The following KIRREL3 variants were observed in gnomAD, a reference collection of about 807,000 sequenced individuals.
KIRREL3 encodes kin of IRRE-like protein 3.
Under a neutral mutation model 89.7 loss-of-function variants are expected in KIRREL3, and 36 were observed. That is an observed-to-expected ratio of 0.40 (90% CI 0.31 to 0.53). The LOEUF (loss-of-function observed/expected upper bound fraction) is 0.53. KIRREL3 is among the 20% of genes least tolerant of loss of function. The pLI is 0.49. For missense variants in KIRREL3, 864 were observed against 1,056.6 expected, an observed-to-expected ratio of 0.82 and a Z score of 2.53; for synonymous variants, 445 against 441.4, an observed-to-expected ratio of 1.01 and a Z score of -0.10.
At chr11:126,706,466 G>C (rs1216124023) in intron 1 of KIRREL3, among the ~76,000 whole-genome samples, 1 of 152,136 alleles carries the variant, frequency 6.6e-6, no homozygotes, top group Non-Finnish European at 1.5e-5. Flanking sequence ...GTGGATATTT[G>C]TTCACATGTA....
rs774350281 is a variant in KIRREL3 at position 126,558,465 on chromosome 11, C to T, written c.133+4370G>A. On this transcript the variant is annotated intron_variant, in intron 2 of 16. Transcript: ENST00000525144. The surrounding 1 kb of genome is among the most constrained non-coding windows in gnomAD (Gnocchi z 4.0). ...TCCCTCTGCTCATGGTCTCAGCCTC[C>T]TCTTCCAGAAGTCTAAGAGCCCTGG... 1.3e-5 allele frequency among the ~76,000 whole-genome samples: 2 copies of T among 150,112 alleles called. No homozygotes were observed. The highest frequency in any genetic ancestry group is 2.9e-5 in the Non-Finnish European group (2 of 68,016).
At chr11:126,921,686 ATCTG>A (rs747280873) in intron 1 of KIRREL3, among the ~76,000 whole-genome samples, 10 of 144,744 alleles carry the variant, frequency 6.9e-5, no homozygotes, top group South Asian at 2.2e-4. Context: ...TAATCTATCT[ATCTG>A]TCTGTCTTTC....
Position 126,531,807 on chromosome 11 carries a change from G to A in KIRREL3, c.134-5120C>T, listed in dbSNP as rs73015214. Among the ~76,000 whole-genome samples the A allele has an allele frequency of 5.5e-3, 833 of 152,334 alleles. 3 individuals are homozygous for A. The highest frequency in any genetic ancestry group is 8.2e-3 in the Admixed American group (126 of 15,306). On this transcript the variant is annotated intron_variant, in intron 2 of 16. Coordinates refer to ENST00000525144, the MANE Select transcript of KIRREL3 (RefSeq NM_032531.4). This position sits in a 1 kb window ranked among gnomAD's most constrained non-coding sequence, Gnocchi z 4.7. ...ACACTTCTTGAGGGCAGGGGCCACA[G>A]CTATCTTTTCTGTCTTGTGTTCCCA... is the stretch of plus-strand genomic sequence containing the variant.
At chr11:126,589,483 G>C (rs1355657049) in intron 1 of KIRREL3, among the ~76,000 whole-genome samples, 4 of 152,350 alleles carry the variant, frequency 2.6e-5, no homozygotes, top group Admixed American at 6.5e-5. Context: ...AACTGAGAGA[G>C]AGCTATGTGT....
Position 126,530,933 on chromosome 11 carries a change from C to T in KIRREL3, c.134-4246G>A, listed in dbSNP as rs553337828. The stretch of plus-strand genomic sequence containing the variant: ...GCAACCTTTGCCTCCCGGGTTCAAG[C>T]GATTCTTCTGCCTCAGCCTCTTGAG... On this transcript the variant is annotated intron_variant, in intron 2 of 16. Coordinates refer to ENST00000525144, the MANE Select transcript of KIRREL3 (RefSeq NM_032531.4). The surrounding 1 kb of genome is among the most constrained non-coding windows in gnomAD (Gnocchi z 5.8). Among the ~76,000 whole-genome samples, 2 of 152,014 alleles carry T rather than the reference C, an allele frequency of 1.3e-5. No homozygotes were observed. The highest frequency in any genetic ancestry group is 2.1e-4 in the South Asian group (1 of 4,802).
rs545262681 is a variant in KIRREL3, at chr11:126,766,111, C to T, written c.56-203199G>A. ...GCCCTCCTGGGATGGTATCTAGTAT[C>T]GTTTCATCGCTAATGTTGTGAGTGA... is the stretch of plus-strand genomic sequence containing the variant. On this transcript the variant is annotated intron_variant, in intron 1 of 16. Coordinates refer to ENST00000525144, the MANE Select transcript of KIRREL3 (RefSeq NM_032531.4). This position sits in a 1 kb window ranked among gnomAD's most constrained non-coding sequence, Gnocchi z 4.2. Among the ~76,000 whole-genome samples the T allele has an allele frequency of 2.0e-5, 3 of 152,044 alleles. No homozygotes were observed. Among genetic ancestry groups the T allele is most frequent in the East Asian group, 3.9e-4 (2 of 5,162 alleles).
chr11:126,921,761 CTAT>C (rs2134980441), intron 1 of KIRREL3, among the ~76,000 whole-genome samples: 1 of 137,508 alleles, frequency 7.3e-6, no homozygotes, highest in Non-Finnish European at 1.5e-5. Context: ...ATCTATCTAT[CTAT>C]CTATCTATCT....
chr11:126,991,760 C>T lies in KIRREL3; in HGVS notation c.55+8695G>A, dbSNP rs946066542. On this transcript the variant is annotated intron_variant, in intron 1 of 16. Coordinates refer to ENST00000525144, the MANE Select transcript of KIRREL3 (RefSeq NM_032531.4). This position sits in a 1 kb window ranked among gnomAD's most constrained non-coding sequence, Gnocchi z 5.8. ...CCTAAAATCCTTTTCCAGTCCTAGA[C>T]ACTGGGGATTGCCACAAATTATAAG... Among the ~76,000 whole-genome samples, 5 of 152,192 alleles carry T rather than the reference C, an allele frequency of 3.3e-5. No individual in the cohort carries two copies. Among genetic ancestry groups the T allele is most frequent in the African/African-American group, 7.2e-5 (3 of 41,442 alleles).
intron 10 of KIRREL3, among the ~76,000 whole-genome samples, chr11:126,442,467 A>G (rs912786768): frequency 1.3e-5 from 2 of 152,124 alleles, no homozygotes; most frequent in African/African-American, 4.8e-5. Context: ...AACCAGGATA[A>G]AGGGAAATGG....
Position 126,797,426 on chromosome 11 carries a change from G to C in KIRREL3, c.55+203029C>G, listed in dbSNP as rs552971562. Among the ~76,000 whole-genome samples, 11 of 152,262 alleles carry C rather than the reference G, an allele frequency of 7.2e-5. No homozygotes were observed. The South Asian group carries it at 8.3e-4, about 12-fold the overall frequency. On this transcript the variant is annotated intron_variant, in intron 1 of 16. Transcript: ENST00000525144. This position sits in a 1 kb window ranked among gnomAD's most constrained non-coding sequence, Gnocchi z 4.9. Reference sequence around the variant, plus strand: ...TGTTATTGGTTGGAAGAATCTGCTGGTCAGTGTCGGGGGCCCTTCAACTTC... The same window carrying C: ...TGTTATTGGTTGGAAGAATCTGCTGCTCAGTGTCGGGGGCCCTTCAACTTC...
At chr11:126,893,480 T>G (rs1207412933) in intron 1 of KIRREL3, among the ~76,000 whole-genome samples, 1 of 152,232 alleles carries the variant, frequency 6.6e-6, no homozygotes, top group African/African-American at 2.4e-5. Context: ...TCCTGGGGCT[T>G]ATCAGCATTT....
At position 126,708,448 on chromosome 11, in the gene KIRREL3, G is replaced by A. The variant is rs948334327; in HGVS notation, c.56-145536C>T. Among the ~76,000 whole-genome samples, 3 of 152,166 alleles carry A rather than the reference G, an allele frequency of 2.0e-5. No homozygotes were observed. Among genetic ancestry groups the A allele is most frequent in the Non-Finnish European group, 4.4e-5 (3 of 68,038 alleles). On this transcript the variant is annotated intron_variant, in intron 1 of 16. Coordinates refer to ENST00000525144, the MANE Select transcript of KIRREL3 (RefSeq NM_032531.4). This position sits in a 1 kb window ranked among gnomAD's most constrained non-coding sequence, Gnocchi z 5.7. The stretch of plus-strand genomic sequence containing the variant: ...TGTGAATACCCTATTTTCTTTGCAG[G>A]GGAAGACTGGAAATAGAGTCCTTTA...
Position 126,989,171 on chromosome 11 carries a change from C to A in KIRREL3, c.55+11284G>T, listed in dbSNP as rs1253705735. Among the ~76,000 whole-genome samples, 4 of 152,200 alleles carry A rather than the reference C, an allele frequency of 2.6e-5. No homozygotes were observed. Among genetic ancestry groups the A allele is most frequent in the African/African-American group, 7.2e-5 (3 of 41,450 alleles). ...TTCTACCCTTGTAGCATCAACTCTG[C>A]AGTTTGAAGTAAGGTTTTGCAAAAC... On this transcript the variant is annotated intron_variant, in intron 1 of 16. Coordinates refer to ENST00000525144, the MANE Select transcript of KIRREL3 (RefSeq NM_032531.4). The surrounding 1 kb of genome is among the most constrained non-coding windows in gnomAD (Gnocchi z 6.2).
chr11:126,442,283 ACAAAAAACC>A (rs1955601518), intron 10 of KIRREL3, among the ~76,000 whole-genome samples: 1 of 111,078 alleles, frequency 9.0e-6, no homozygotes, highest in Admixed American at 1.1e-4. Flanking sequence ...CAAAAAAAAA[ACAAAAAACC>A]CAACATGCAC....
At chr11:126,593,251 C>T (rs1301633804) in intron 1 of KIRREL3, among the ~76,000 whole-genome samples, 1 of 152,216 alleles carries the variant, frequency 6.6e-6, no homozygotes, top group African/African-American at 2.4e-5. Context: ...ACTCATCGGT[C>T]ACTGCTTGCG....
rs146628048 is a variant in KIRREL3, at chr11:126,429,499, C to T, written c.1697-211G>A. ...CCTCAGAGGAGGCTGACCCCATGGC[C>T]GGCCTGCCTCCTGTCACATGCCCCT... On this transcript the variant is annotated intron_variant, in intron 14 of 16. Coordinates refer to ENST00000525144, the MANE Select transcript of KIRREL3 (RefSeq NM_032531.4). The surrounding 1 kb of genome is among the most constrained non-coding windows in gnomAD (Gnocchi z 5.2). Among the ~76,000 whole-genome samples the T allele has an allele frequency of 4.0e-4, 61 of 152,320 alleles. No homozygotes were observed. Among genetic ancestry groups the T allele is most frequent in the African/African-American group, 1.3e-3 (52 of 41,576 alleles).
Position 126,476,098 on chromosome 11 carries a change from G to T in KIRREL3, c.434-2632C>A, listed in dbSNP as rs1014944984. On this transcript the variant is annotated intron_variant, in intron 4 of 16. Coordinates refer to ENST00000525144, the MANE Select transcript of KIRREL3 (RefSeq NM_032531.4). This position sits in a 1 kb window ranked among gnomAD's most constrained non-coding sequence, Gnocchi z 6.4. ...AGGGTGGCTTCAGGTGCAAACGTGA[G>T]AGCTCGGAGGATCTGGGAACTGACC... is the stretch of plus-strand genomic sequence containing the variant. 1.3e-5 allele frequency among the ~76,000 whole-genome samples: 2 copies of T among 152,222 alleles called. No individual in the cohort carries two copies. The highest frequency in any genetic ancestry group is 4.8e-5 in the African/African-American group (2 of 41,456).
At chr11:126,888,325 C>T (rs1204841800) in intron 1 of KIRREL3, among the ~76,000 whole-genome samples, 1 of 152,154 alleles carries the variant, frequency 6.6e-6, no homozygotes, top group Non-Finnish European at 1.5e-5. Flanking sequence ...CAGTTCAGCT[C>T]TTCTACCTCA....
At chr11:126,956,316 G>A (rs1328623785) in intron 1 of KIRREL3, among the ~76,000 whole-genome samples, 1 of 152,114 alleles carries the variant, frequency 6.6e-6, no homozygotes, top group Non-Finnish European at 1.5e-5. Context: ...TCCCATGGAG[G>A]GATCTTTCTC....
Sources: allele counts gnomAD v4.1 joint callset (sites outside exome capture counted in the v4.1 genomes callset), GRCh38; gene constraint gnomAD v4.1.1; non-coding constraint Gnocchi (gnomAD v3.1); transcripts MANE v1.5; gene names NCBI Gene and HGNC (gene_info 2026-07-23, HGNC 2026-07-21).